Variants in TXLNB observed in about 807,000 individuals in gnomAD.
TXLNB encodes the protein taxilin beta, also known as beta-taxilin.
TXLNB carries 37 observed loss-of-function variants against 57.4 expected under a neutral mutation model. That is an observed-to-expected ratio of 0.64 (90% CI 0.50 to 0.85). The LOEUF is 0.85. Ranked by LOEUF, TXLNB falls within the 40% of genes least tolerant of loss-of-function variation. The pLI is 0.00. For synonymous variants in TXLNB, 302 were observed against 309.6 expected (o/e 0.98, Z 0.26); for missense variants, 848 against 825.6 (o/e 1.03, Z -0.33).
At chr6:139,299,615 C>T in the TXLNB span, among the ~76,000 whole-genome samples, 6 of 152,086 alleles carry the variant, frequency 3.9e-5, no homozygotes, top group Non-Finnish European at 7.4e-5. Context: ...AGGGACCTCA[C>T]AGATCATCTC....
At chr6:139,166,019 G>A in the TXLNB span, 3 of 353,838 alleles carry the variant, frequency 8.5e-6, no homozygotes, top group African/African-American at 2.1e-5. Context: ...ATGTTCCAGC[G>A]GCTTTCTGGT....
At chr6:139,201,820 C>G in the TXLNB span, 1 of 152,192 alleles carries the variant, frequency 6.6e-6, no homozygotes, top group Non-Finnish European at 1.5e-5. Context: ...GAAAGCATTA[C>G]CCTGCTCACA....
In TXLNB at chr6:139,253,317, A is replaced by G. The variant is rs185986308; in HGVS notation, c.1077+2247T>C. Reference sequence around the variant, plus strand: ...TGATTTTCCTTTTAAAAACTTAAACATAGGCATAATTTCCATCCACAGTTG... The same window carrying G: ...TGATTTTCCTTTTAAAAACTTAAACGTAGGCATAATTTCCATCCACAGTTG... On this transcript the variant is annotated intron_variant, in intron 7 of 9. Transcript: ENST00000358430. Among the ~76,000 whole-genome samples the G allele has an allele frequency of 2.0e-3, 310 of 152,336 alleles. 1 individual carries two copies. Among genetic ancestry groups the G allele is most frequent in the African/African-American group, 7.1e-3 (295 of 41,592 alleles).
At chr6:139,296,040 C>T (rs533503429), upstream of TXLNB, among the ~76,000 whole-genome samples, 9 of 152,258 alleles carry the variant, frequency 5.9e-5, no homozygotes, top group South Asian at 2.1e-4. Flanking sequence ...CTTGACCCCC[C>T]CCTCCTCCAG....
the TXLNB span, among the ~76,000 whole-genome samples, chr6:139,185,962 A>G: frequency 6.6e-6 from 1 of 152,146 alleles, no homozygotes; most frequent in Non-Finnish European, 1.5e-5. Context: ...AAACCCAGAC[A>G]TTAGTTAGTC....
At chr6:139,228,498 C>A in the TXLNB span, among the ~76,000 whole-genome samples, 1 of 146,812 alleles carries the variant, frequency 6.8e-6, no homozygotes, top group Non-Finnish European at 1.5e-5. Flanking sequence ...TGCACCCCAG[C>A]CTGGACAACA....
chr6:139,252,648 G>C (rs1436703392), intron 7 of TXLNB, among the ~76,000 whole-genome samples: 1 of 152,204 alleles, frequency 6.6e-6, no homozygotes, highest in Non-Finnish European at 1.5e-5. Flanking sequence ...CAGCTGAATA[G>C]CATCTTGAGA....
chr6:139,232,400 G>T, the TXLNB span, among the ~76,000 whole-genome samples: 1 of 152,026 alleles, frequency 6.6e-6, no homozygotes, highest in Non-Finnish European at 1.5e-5. Flanking sequence ...ATTTGGGTGG[G>T]GACACAGAGC....
the TXLNB span, chr6:139,167,009 A>G: frequency 2.5e-6 from 4 of 1,614,116 alleles, no homozygotes; most frequent in Non-Finnish European, 3.4e-6. Context: ...GGCAGTTCAC[A>G]GGGGGGGACA....
At chr6:139,297,635 A>G in the TXLNB span, among the ~76,000 whole-genome samples, 2 of 152,268 alleles carry the variant, frequency 1.3e-5, no homozygotes, top group South Asian at 4.1e-4. Context: ...TTTAGTTTCA[A>G]TTTCCTACTC....
At chr6:139,203,111 C>T in the TXLNB span, among the ~76,000 whole-genome samples, 11 of 152,024 alleles carry the variant, frequency 7.2e-5, no homozygotes, top group Non-Finnish European at 1.3e-4. Context: ...GCTGATGGAC[C>T]CTTAGGTTGA....
rs531939089 is a variant in TXLNB at position 139,280,020 on chromosome 6, C to T, written c.425-3099G>A. On this transcript the variant is annotated intron_variant, in intron 2 of 9. Transcript: ENST00000358430. ...GCCGAGCGTGGTGGCTCATGCTTGCCGAGGCGGGCAGATCACGAGGTCAGG... is the reference window on the plus strand; with the variant it reads ...GCCGAGCGTGGTGGCTCATGCTTGCTGAGGCGGGCAGATCACGAGGTCAGG... Among the ~76,000 whole-genome samples, 16 of 151,880 alleles carry T rather than the reference C, an allele frequency of 1.1e-4. No individual in the cohort carries two copies. The East Asian group carries it at 2.5e-3, about 24-fold the overall frequency.
At chr6:139,214,287 A>C in the TXLNB span, among the ~76,000 whole-genome samples, 1 of 152,224 alleles carries the variant, frequency 6.6e-6, no homozygotes, top group Admixed American at 6.5e-5. Flanking sequence ...ACCATGATCA[A>C]GTGGGCTTCA....
the TXLNB span, among the ~76,000 whole-genome samples, chr6:139,173,490 G>C: frequency 6.6e-6 from 1 of 152,166 alleles, no homozygotes; most frequent in Admixed American, 6.5e-5. Context: ...GAGTGCTGAA[G>C]ACCCATAGTC....
At chr6:139,270,389 G>C in intron 4 of TXLNB, 67 bp downstream of exon 4, 1 of 1,440,524 alleles carries the variant, frequency 6.9e-7, no homozygotes, top group Non-Finnish European at 9.5e-7. Flanking sequence ...CTCTTTCCAT[G>C]AGTAGCAGAG....
At chr6:139,289,180 C>T (rs912483316) in intron 1 of TXLNB, among the ~76,000 whole-genome samples, 5 of 152,274 alleles carry the variant, frequency 3.3e-5, no homozygotes, top group South Asian at 2.1e-4. Context: ...CCTGGTGCCG[C>T]GCCCTGAGCC....
the TXLNB span, among the ~76,000 whole-genome samples, chr6:139,298,230 C>G: frequency 6.6e-6 from 1 of 152,154 alleles, no homozygotes; most frequent in Non-Finnish European, 1.5e-5. Flanking sequence ...ATATTGGGTG[C>G]TACACTTGTA....
At chr6:139,249,689 GT>G (rs1388840137) in intron 7 of TXLNB, among the ~76,000 whole-genome samples, 1 of 152,094 alleles carries the variant, frequency 6.6e-6, no homozygotes. Context: ...TCTAGAATGG[GT>G]TTTCCCCAAT....
At chr6:139,269,185 G>A (rs1309485769) in intron 4 of TXLNB, 4 of 152,222 alleles carry the variant, frequency 2.6e-5, no homozygotes, top group Admixed American at 2.0e-4. Context: ...GATTACAGAT[G>A]TGACCCACTG....
Sources: gnomAD v4.1 joint callset for allele counts (sites outside exome capture counted in the v4.1 genomes callset) on GRCh38, gnomAD v4.1.1 for gene constraint, MANE v1.5 for transcripts, NCBI Gene and HGNC (gene_info 2026-07-23, HGNC 2026-07-21) for gene names.